Variants in PCDHGB3 observed in about 807,000 individuals in gnomAD.
The protein encoded by PCDHGB3 is protocadherin gamma-B3.
A neutral mutation model predicts 59.2 loss-of-function variants in PCDHGB3; 40 were observed. The ratio of observed to expected loss-of-function variants is 0.68; its 90% CI spans 0.52 to 0.88. PCDHGB3 has a LOEUF of 0.88. PCDHGB3 is among the 40% of genes least tolerant of loss of function. The pLI is 0.00. For synonymous variants in PCDHGB3, 581 were observed against 503.6 expected (o/e 1.15, Z -2.06); for missense variants, 1,309 against 1,187.9 (o/e 1.10, Z -1.50).
chr5:141,452,654 T>C (rs2098746449), intron 1 of PCDHGB3, among the ~76,000 whole-genome samples: 1 of 151,162 alleles, frequency 6.6e-6, no homozygotes, highest in Non-Finnish European at 1.5e-5. Context: ...ATTTGCTCCA[T>C]CCACTGCACT....
chr5:141,469,855 G>T (rs1272105046), intron 1 of PCDHGB3, among the ~76,000 whole-genome samples: 4 of 152,186 alleles, frequency 2.6e-5, no homozygotes, highest in Non-Finnish European at 4.4e-5. Flanking sequence ...TTCAGACCGG[G>T]TGCAATGGCT....
rs200873701 is a variant in PCDHGB3, at chr5:141,375,789, C to T, written c.2415+2980C>T. ...GAGATCCTGTACCCCGCCCTCCCCA[C>T]AGACGGTTCCACTGGCGTGGAGCTG... On this transcript the variant is annotated intron_variant, in intron 1 of 3. Coordinates refer to ENST00000576222, the MANE Select transcript of PCDHGB3 (RefSeq NM_018924.5). The T allele has an allele frequency of 7.9e-5, 128 of 1,614,258 alleles. No individual in the cohort carries two copies. The Middle Eastern group carries it at 1.8e-3, about 23-fold the overall frequency.
chr5:141,469,829 A>G (rs2099212486), intron 1 of PCDHGB3, among the ~76,000 whole-genome samples: 1 of 152,102 alleles, frequency 6.6e-6, no homozygotes, highest in African/African-American at 2.4e-5. Context: ...AGGTCACATA[A>G]AACTTATTCT....
At chr5:141,464,120 C>G (rs1297254980) in intron 1 of PCDHGB3, among the ~76,000 whole-genome samples, 1 of 151,976 alleles carries the variant, frequency 6.6e-6, no homozygotes, top group African/African-American at 2.4e-5. Flanking sequence ...CAAAAATTAG[C>G]TGGGTGTGGT....
In PCDHGB3 at chr5:141,376,687, T is replaced by G. The variant is rs1033908230; in HGVS notation, c.2415+3878T>G. On this transcript the variant is annotated intron_variant, in intron 1 of 3. Coordinates refer to ENST00000576222, the MANE Select transcript of PCDHGB3 (RefSeq NM_018924.5). ...CAGGTGAGGGTATCGTTTTTTTTTT[T>G]TTTTTTTTTTGAGACGGAGTCTCGC... The G allele has an allele frequency of 1.3e-4, 108 of 822,468 alleles. 3 individuals are homozygous for G. The highest frequency in any genetic ancestry group is 8.8e-4 in the East Asian group (32 of 36,212). 50.9% of individuals were successfully genotyped at this position (822,468 alleles called of 1,614,324 possible).
At chr5:141,426,726 G>A (rs916323483) in intron 1 of PCDHGB3, 2 of 448,052 alleles carry the variant, frequency 4.5e-6, no homozygotes, top group South Asian at 1.6e-5. Flanking sequence ...AGCAATTCCA[G>A]GCATTCGGTT....
Position 141,427,801 on chromosome 5 carries a change from G to T in PCDHGB3, c.2415+54992G>T, listed in dbSNP as rs755067099. On this transcript the variant is annotated intron_variant, in intron 1 of 3. Coordinates refer to ENST00000576222, the MANE Select transcript of PCDHGB3 (RefSeq NM_018924.5). ...GCACTGTCGTCCTACGTGTCCGTGA[G>T]CGCACAGAGCGGGGTGGTGGTCGCG... 6 of 1,510,138 alleles carry T rather than the reference G, an allele frequency of 4.0e-6. No homozygotes were observed. In the African/African-American group the frequency reaches 8.2e-5, roughly 21 times the overall value. 93.5% of individuals were successfully genotyped at this position (1,510,138 alleles called of 1,614,324 possible). A position where few individuals can be genotyped will look rare whatever the true frequency, so the allele number is the denominator to read the frequency against.
intron 1 of PCDHGB3, among the ~76,000 whole-genome samples, chr5:141,481,730 G>C (rs778885944): frequency 6.6e-5 from 10 of 151,952 alleles, no homozygotes; most frequent in Non-Finnish European, 1.3e-4. Flanking sequence ...GAGGCGGGCG[G>C]ATCACGAGGT....
Position 141,486,970 on chromosome 5 carries a change from T to G in PCDHGB3, c.2416-7837T>G, listed in dbSNP as rs754309905. 1 of 1,614,050 alleles carries G rather than the reference T, an allele frequency of 6.2e-7. No individual in the cohort carries two copies. Among genetic ancestry groups the G allele is most frequent in the African/African-American group, 1.3e-5 (1 of 74,904 alleles). ...CAAAGGTGACTGCTGTGGACTTGGATTCAGGTTACAATGCTTGGGTTTCCT... is the reference window on the plus strand; with the variant it reads ...CAAAGGTGACTGCTGTGGACTTGGAGTCAGGTTACAATGCTTGGGTTTCCT... On this transcript the variant is annotated intron_variant, in intron 1 of 3. Coordinates refer to ENST00000576222, the MANE Select transcript of PCDHGB3 (RefSeq NM_018924.5). This position sits in a 1 kb window ranked among gnomAD's most constrained non-coding sequence, Gnocchi z 5.0.
intron 1 of PCDHGB3, chr5:141,409,901 C>G: frequency 6.2e-7 from 1 of 1,613,264 alleles, no homozygotes; most frequent in Non-Finnish European, 8.5e-7. Context: ...GTACCCAGCT[C>G]TGGGTCCTGA....
chr5:141,493,679 G>C lies in PCDHGB3; in HGVS notation c.2416-1128G>C. On this transcript the variant is annotated intron_variant, in intron 1 of 3. Transcript: ENST00000576222. This position sits in a 1 kb window ranked among gnomAD's most constrained non-coding sequence, Gnocchi z 4.3. ...CCTTCTCCATGGCAGCCCCAGAATG[G>C]TGCTGGTGACTCCCGATACACCTGG... Among the ~76,000 whole-genome samples the C allele has an allele frequency of 6.6e-6, 1 of 152,198 alleles. No individual in the cohort carries two copies. Among genetic ancestry groups the C allele is most frequent in the African/African-American group, 2.4e-5 (1 of 41,446 alleles).
chr5:141,376,195 C>G, intron 1 of PCDHGB3: 1 of 1,614,172 alleles, frequency 6.2e-7, no homozygotes, highest in South Asian at 1.1e-5. Context: ...CCTGCGTCTT[C>G]CTGGCCTTCG....
At chr5:141,469,782 G>A (rs760985231) in intron 1 of PCDHGB3, among the ~76,000 whole-genome samples, 8 of 152,204 alleles carry the variant, frequency 5.3e-5, no homozygotes, top group African/African-American at 1.7e-4. Context: ...TTATTACAGC[G>A]TTATTTGTAA....
Position 141,404,273 on chromosome 5 carries a change from C to A in PCDHGB3, c.2415+31464C>A, listed in dbSNP as rs751189949. 4.3e-6 allele frequency: 7 copies of A among 1,613,988 alleles called. No homozygotes were observed. The highest frequency in any genetic ancestry group is 5.9e-6 in the Non-Finnish European group (7 of 1,179,880). On this transcript the variant is annotated intron_variant, in intron 1 of 3. Coordinates refer to ENST00000576222, the MANE Select transcript of PCDHGB3 (RefSeq NM_018924.5). ...GTCCACAGAAATTCACATCACCCTG[C>A]AAGTGACTGACATCAATGATAATCC...
chr5:141,388,637 T>G (rs993746447), intron 1 of PCDHGB3: 1 of 1,613,762 alleles, frequency 6.2e-7, no homozygotes, highest in Non-Finnish European at 8.5e-7. Context: ...GGGTGAGCCT[T>G]TCAGAAAACG....
intron 1 of PCDHGB3, among the ~76,000 whole-genome samples, chr5:141,462,192 T>C (rs1323806836): frequency 6.6e-6 from 1 of 152,198 alleles, no homozygotes; most frequent in Non-Finnish European, 1.5e-5. Context: ...ACTCCTGACC[T>C]CAGGTGATCC....
chr5:141,404,080 C>G (rs369802030), intron 1 of PCDHGB3: 1 of 1,613,516 alleles, frequency 6.2e-7, no homozygotes, highest in Non-Finnish European at 8.5e-7. Flanking sequence ...ACCGAGACTC[C>G]GGGAAGAATG....
chr5:141,408,082 G>A, intron 1 of PCDHGB3: 1 of 1,417,366 alleles, frequency 7.1e-7, no homozygotes, highest in Non-Finnish European at 9.3e-7. Context: ...TCCCAGCACA[G>A]CGGATTGCCA....
intron 1 of PCDHGB3, chr5:141,399,850 C>G (rs768366007): frequency 1.2e-6 from 2 of 1,612,828 alleles, no homozygotes; most frequent in Non-Finnish European, 1.7e-6. Context: ...CGATATGGTG[C>G]CGCGCGCTGC....
Sources: gnomAD v4.1 joint callset for allele counts (sites outside exome capture counted in the v4.1 genomes callset) on GRCh38, gnomAD v4.1.1 for gene constraint, Gnocchi (gnomAD v3.1) non-coding constraint, MANE v1.5 for transcripts, NCBI Gene and HGNC (gene_info 2026-07-23, HGNC 2026-07-21) for gene names.